The following GHR variants were observed in gnomAD, a reference collection of about 807,000 sequenced individuals.
GHR encodes growth hormone receptor, also known as GH receptor.
GHR carries 35 observed loss-of-function variants against 67.1 expected under a neutral mutation model. The ratio of observed to expected loss-of-function variants is 0.52; its 90% CI spans 0.40 to 0.69. GHR has a LOEUF of 0.69. Ranked by LOEUF, GHR falls within the 30% of genes least tolerant of loss-of-function variation. The pLI is 0.00. For missense variants in GHR, 792 were observed against 764.6 expected (o/e 1.04, Z -0.42); for synonymous variants, 272 against 269.1 (o/e 1.01, Z -0.10).
intron 1 of GHR, among the ~76,000 whole-genome samples, chr5:42,520,717 A>C (rs1476642783): frequency 6.6e-6 from 1 of 152,138 alleles, no homozygotes; most frequent in Non-Finnish European, 1.5e-5. Flanking sequence ...ATACACAATC[A>C]AAGGTGATTG....
chr5:42,719,157 C>G lies in GHR; in HGVS notation c.1650C>G (p.Ile550Met). ...AKKCIPVAPHIKVESHIQPSL... is the reference protein window; with the variant it reads ...AKKCIPVAPHMKVESHIQPSL... ...AGTGCATCCCTGTGGCTCCTCACATCAAGGTTGAATCACACATACAGCCAA... is the reference window on the plus strand; with the variant it reads ...AGTGCATCCCTGTGGCTCCTCACATGAAGGTTGAATCACACATACAGCCAA... The change falls in exon 10 of 10, where the codon ATC becomes ATG. Residue 550 changes from isoleucine (I) to methionine (M), a missense_variant. By Grantham distance (10) the Ile-to-Met change is conservative. Transcript: ENST00000230882. 6.2e-7 allele frequency: 1 copy of G among 1,614,110 alleles called. No homozygotes were observed. Among genetic ancestry groups the G allele is most frequent in the Non-Finnish European group, 8.5e-7 (1 of 1,179,978 alleles).
intron 1 of GHR, among the ~76,000 whole-genome samples, chr5:42,542,235 A>G (rs1344083271): frequency 6.6e-6 from 1 of 152,186 alleles, no homozygotes; most frequent in East Asian, 1.9e-4. Context: ...TGTTCAAGAT[A>G]CAAAATTAAG....
At chr5:42,468,816 G>T in intron 1 of GHR, 1 of 1,022,356 alleles carries the variant, frequency 9.8e-7, no homozygotes, top group South Asian at 1.6e-5. Context: ...ATAACTGGTC[G>T]AATCGGTTGG....
intron 3 of GHR, among the ~76,000 whole-genome samples, chr5:42,669,646 A>G (rs1170693659): frequency 1.3e-5 from 2 of 152,222 alleles, no homozygotes; most frequent in Non-Finnish European, 2.9e-5. Flanking sequence ...GGAAAAAATG[A>G]TATAAGTCAG....
chr5:42,432,342 C>T (rs1042756622), intron 1 of GHR, among the ~76,000 whole-genome samples: 22 of 152,070 alleles, frequency 1.4e-4, no homozygotes, highest in African/African-American at 5.3e-4. Context: ...TAGTTCTTTC[C>T]CTGTGCTTAT....
At chr5:42,529,072 T>C (rs946630620) in intron 1 of GHR, among the ~76,000 whole-genome samples, 10 of 151,294 alleles carry the variant, frequency 6.6e-5, no homozygotes, top group Admixed American at 6.6e-5. Flanking sequence ...TGTGCAGTGG[T>C]GCAATCTTGG....
intron 1 of GHR, among the ~76,000 whole-genome samples, chr5:42,491,613 C>A (rs527389207): frequency 9.1e-4 from 138 of 152,310 alleles, no homozygotes; most frequent in African/African-American, 3.2e-3. Flanking sequence ...CTAGAACAGG[C>A]ATACCTTATT....
intron 2 of GHR, among the ~76,000 whole-genome samples, chr5:42,589,627 G>A (rs1751669072): frequency 6.6e-6 from 1 of 152,120 alleles, no homozygotes; most frequent in Non-Finnish European, 1.5e-5. Flanking sequence ...ATAAGTAGTT[G>A]TGTTATTTTT....
At chr5:42,492,267 G>A (rs1746146343) in intron 1 of GHR, among the ~76,000 whole-genome samples, 1 of 152,022 alleles carries the variant, frequency 6.6e-6, no homozygotes, top group Admixed American at 6.6e-5. Context: ...GGATAATATT[G>A]GGAAAAAATT....
chr5:42,491,889 A>C (rs983865152), intron 1 of GHR, among the ~76,000 whole-genome samples: 2 of 152,196 alleles, frequency 1.3e-5, no homozygotes, highest in African/African-American at 4.8e-5. Context: ...CAGGAATGCA[A>C]GTGGCGTTTT....
At position 42,719,219 on chromosome 5, in the gene GHR, G is replaced by A; in HGVS notation, c.1712G>A (p.Ser571Asn). Residue 571 changes from serine (S) to asparagine (N), a missense_variant, in exon 10 of 10, where the codon AGC (serine) becomes AAC (asparagine). Ser to Asn is a conservative substitution (Grantham distance 46). Transcript: ENST00000230882. ...NQEDIYITTE[S>N]LTTAAGRPGT... ...GAGGACATTTACATCACCACAGAAA[G>A]CCTTACCACTGCTGCTGGGAGGCCT... 1 of 1,614,120 alleles carries A rather than the reference G, an allele frequency of 6.2e-7. No individual in the cohort carries two copies. The highest frequency in any genetic ancestry group is 8.5e-7 in the Non-Finnish European group (1 of 1,179,980).
At chr5:42,564,472 T>C (rs1749816084) in intron 1 of GHR, among the ~76,000 whole-genome samples, 1 of 152,132 alleles carries the variant, frequency 6.6e-6, no homozygotes, top group Non-Finnish European at 1.5e-5. Flanking sequence ...CTCCATGAAG[T>C]AGTGTATGAA....
chr5:42,633,024 C>T (rs1754004536), intron 3 of GHR, among the ~76,000 whole-genome samples: 1 of 152,186 alleles, frequency 6.6e-6, no homozygotes, highest in African/African-American at 2.4e-5. Flanking sequence ...TTTTATTTCT[C>T]TGTCATGATT....
intron 1 of GHR, among the ~76,000 whole-genome samples, chr5:42,493,068 G>C (rs1746181467): frequency 6.6e-6 from 1 of 152,146 alleles, no homozygotes; most frequent in Non-Finnish European, 1.5e-5. Flanking sequence ...GTATTATTTG[G>C]TACATTTAAG....
intron 9 of GHR, 128 bp from the exon 10 acceptor site, chr5:42,718,324 TG>T (rs1436601203): frequency 2.1e-5 from 16 of 761,482 alleles, no homozygotes; most frequent in East Asian, 1.1e-4. Flanking sequence ...CACTAATTTA[TG>T]TTTTTTTATA....
At chr5:42,642,869 G>A (rs895716935) in intron 3 of GHR, among the ~76,000 whole-genome samples, 21 of 152,084 alleles carry the variant, frequency 1.4e-4, no homozygotes, top group Admixed American at 1.2e-3. Context: ...GCAATCTTTG[G>A]TGTTCTTTGA....
At chr5:42,524,387 G>A (rs1265382836) in intron 1 of GHR, among the ~76,000 whole-genome samples, 1 of 152,122 alleles carries the variant, frequency 6.6e-6, no homozygotes, top group Non-Finnish European at 1.5e-5. Flanking sequence ...AGAGATTCAT[G>A]GAACTTTGAA....
intron 2 of GHR, among the ~76,000 whole-genome samples, chr5:42,571,914 G>T (rs1750345454): frequency 6.6e-6 from 1 of 152,138 alleles, no homozygotes; most frequent in Non-Finnish European, 1.5e-5. Context: ...AGACACACCT[G>T]GTTGTCCACC....
intron 1 of GHR, among the ~76,000 whole-genome samples, chr5:42,474,624 C>CA (rs1561325989): frequency 4.0e-5 from 6 of 151,000 alleles, no homozygotes; most frequent in African/African-American, 1.2e-4. Flanking sequence ...ACAACAACAA[C>CA]AACAAAAAAA....
Sources: allele counts gnomAD v4.1 joint callset (sites outside exome capture counted in the v4.1 genomes callset), GRCh38; gene constraint gnomAD v4.1.1; transcripts MANE v1.5; gene names NCBI Gene and HGNC (gene_info 2026-07-23, HGNC 2026-07-21).